Variants in FSCN1 observed in about 807,000 individuals in gnomAD.
The protein encoded by FSCN1 is fascin.
Under a neutral mutation model 39.7 loss-of-function variants are expected in FSCN1, and 10 were observed. The observed-to-expected ratio is 0.25, with a 90% CI of 0.16 to 0.43. The LOEUF (loss-of-function observed/expected upper bound fraction) is 0.43. Ranked by LOEUF, FSCN1 falls within the 20% of genes least tolerant of loss-of-function variation. The probability of loss-of-function intolerance (pLI) is 1.00; values close to 1 mark genes in which losing one functional copy is unlikely to be tolerated. For missense variants in FSCN1, 525 were observed against 723.8 expected (o/e 0.73, Z 3.15); for synonymous variants, 322 against 320.0 (o/e 1.01, Z -0.07).
At chr7:5,595,007 C>T (rs1292998179) in intron 1 of FSCN1, 3 of 152,364 alleles carry the variant, frequency 2.0e-5, no homozygotes. Flanking sequence ...GGCGGAGAAG[C>T]TGTTCCTTGC....
chr7:5,598,379 C>T (rs1421926718), intron 1 of FSCN1, among the ~76,000 whole-genome samples: 2 of 152,206 alleles, frequency 1.3e-5, no homozygotes, highest in Non-Finnish European at 2.9e-5. Flanking sequence ...AGCTCCCTTT[C>T]TTCTCTGGCT....
Position 5,605,506 on chromosome 7 carries a change from A to ATG in FSCN1, c.*33_*34dup. 3.4e-6 allele frequency: 5 copies of ATG among 1,466,412 alleles called. No individual in the cohort carries two copies. The highest frequency in any genetic ancestry group is 4.6e-6 in the Non-Finnish European group (5 of 1,082,790). 90.8% of individuals were successfully genotyped at this position (1,466,412 alleles called of 1,614,324 possible). ...CCCGTCCTTCCCCGCCCCTGCCCAC[A>ATG]TGGCGGCTCCTGCCAACCCTCCCTG... On this transcript the variant is annotated 3_prime_UTR_variant, in exon 5 of 5. Transcript: ENST00000382361. The surrounding 1 kb of genome is among the most constrained non-coding windows in gnomAD (Gnocchi z 6.9).
In FSCN1 at chr7:5,603,221, G is replaced by C. The variant is rs374393905; in HGVS notation, c.833-36G>C. ...TGGTCTGCCAGAACTAGGGGGCGTGGGGCCCCAGTACCAGCCCAAGGCCTC... is the reference window on the plus strand; with the variant it reads ...TGGTCTGCCAGAACTAGGGGGCGTGCGGCCCCAGTACCAGCCCAAGGCCTC... On this transcript the variant is annotated intron_variant, in intron 1 of 4. Transcript: ENST00000382361. The surrounding 1 kb of genome is among the most constrained non-coding windows in gnomAD (Gnocchi z 8.5). 3.7e-6 allele frequency: 6 copies of C among 1,608,998 alleles called. No individual in the cohort carries two copies. Among genetic ancestry groups the C allele is most frequent in the Admixed American group, 1.7e-5 (1 of 59,912 alleles).
intron 4 of FSCN1, among the ~76,000 whole-genome samples, chr7:5,604,873 G>A (rs1785904427): frequency 6.6e-6 from 1 of 152,126 alleles, no homozygotes; most frequent in Non-Finnish European, 1.5e-5. Context: ...GTGGCCTCAA[G>A]TGATCCGCCC....
intron 1 of FSCN1, chr7:5,594,047 C>CA (rs1554336290): frequency 1.9e-4 from 63 of 329,368 alleles, no homozygotes; most frequent in Non-Finnish European, 2.8e-4. Context: ...CCCTCCTAAC[C>CA]CCCCCCCCCG....
At chr7:5,601,967 TTTTTG>T (rs1785839371) in intron 1 of FSCN1, among the ~76,000 whole-genome samples, 1 of 152,038 alleles carries the variant, frequency 6.6e-6, no homozygotes, top group South Asian at 2.1e-4. Context: ...TTTTTTTTTT[TTTTTG>T]AGGCGGAATT....
intron 1 of FSCN1, among the ~76,000 whole-genome samples, chr7:5,601,729 A>G (rs4724710): frequency 1.3e-5 from 2 of 151,960 alleles, no homozygotes; most frequent in Admixed American, 6.6e-5. Flanking sequence ...AGTCTCAGCT[A>G]TTTGGGAGGC....
chr7:5,598,842 T>C (rs1468290698), intron 1 of FSCN1, among the ~76,000 whole-genome samples: 2 of 152,194 alleles, frequency 1.3e-5, no homozygotes, highest in Non-Finnish European at 2.9e-5. Flanking sequence ...CCCCAGCGCA[T>C]TGGACAGGTG....
chr7:5,603,797 T>A lies in FSCN1; in HGVS notation c.1112-66T>A. On this transcript the variant is annotated intron_variant, in intron 3 of 4. Coordinates refer to ENST00000382361, the MANE Select transcript of FSCN1 (RefSeq NM_003088.4). The surrounding 1 kb of genome is among the most constrained non-coding windows in gnomAD (Gnocchi z 8.5). ...ACCCCAGCTCCTGGCCCTCCCTCTC[T>A]GGTCACCCCAGCCTCCACCCCACTC... 6.5e-7 allele frequency: 1 copy of A among 1,546,048 alleles called. No individual in the cohort carries two copies. The highest frequency in any genetic ancestry group is 8.9e-7 in the Non-Finnish European group (1 of 1,129,810).
rs1489064852 is a variant in FSCN1, at chr7:5,592,888, C to T, written c.-49C>T. 2 of 1,227,964 alleles carry T rather than the reference C, an allele frequency of 1.6e-6. No individual in the cohort carries two copies. Among genetic ancestry groups the T allele is most frequent in the African/African-American group, 3.1e-5 (2 of 64,604 alleles). The allele number at this position is 1,227,964 out of a possible 1,614,324, so 76.1% of individuals were successfully genotyped here. On this transcript the variant is annotated 5_prime_UTR_variant, in exon 1 of 5. Coordinates refer to ENST00000382361, the MANE Select transcript of FSCN1 (RefSeq NM_003088.4). The surrounding 1 kb of genome is among the most constrained non-coding windows in gnomAD (Gnocchi z 5.3). Reference sequence around the variant, plus strand: ...GAGCAGGGGCGCCGCCGCAGGGACCCGCCACCCACCTCCCGGGGCCGCGCA... The same window carrying T: ...GAGCAGGGGCGCCGCCGCAGGGACCTGCCACCCACCTCCCGGGGCCGCGCA...
At chr7:5,598,489 C>T (rs1159254814) in intron 1 of FSCN1, among the ~76,000 whole-genome samples, 1 of 152,238 alleles carries the variant, frequency 6.6e-6, no homozygotes, top group Non-Finnish European at 1.5e-5. Flanking sequence ...TTAAGCCCTG[C>T]GCAGCCATTG....
In FSCN1 at chr7:5,605,522, A is replaced by C. The variant is rs1429799366; in HGVS notation, c.*48A>C. ...CCTGCCCACATGGCGGCTCCTGCCAACCCTCCCTGCTAACCCCTTCTCCGC... is the reference window on the plus strand; with the variant it reads ...CCTGCCCACATGGCGGCTCCTGCCACCCCTCCCTGCTAACCCCTTCTCCGC... On this transcript the variant is annotated 3_prime_UTR_variant, in exon 5 of 5. Coordinates refer to ENST00000382361, the MANE Select transcript of FSCN1 (RefSeq NM_003088.4). This position sits in a 1 kb window ranked among gnomAD's most constrained non-coding sequence, Gnocchi z 6.9. 5.8e-6 allele frequency: 8 copies of C among 1,369,138 alleles called. No homozygotes were observed. The highest frequency in any genetic ancestry group is 7.0e-6 in the Non-Finnish European group (7 of 999,994). 84.8% of individuals were successfully genotyped at this position (1,369,138 alleles called of 1,614,324 possible). A position where few individuals can be genotyped will look rare whatever the true frequency, so the allele number is the denominator to read the frequency against.
chr7:5,597,607 C>T (rs893946088), intron 1 of FSCN1, among the ~76,000 whole-genome samples: 1 of 151,870 alleles, frequency 6.6e-6, no homozygotes, highest in African/African-American at 2.4e-5. Context: ...GCGGAAGTTG[C>T]AGTGAGCCGA....
rs551699480 is a variant in FSCN1 at position 5,603,193 on chromosome 7, C to G, written c.833-64C>G. The G allele has an allele frequency of 1.3e-4, 201 of 1,578,642 alleles. No homozygotes were observed. The highest frequency in any genetic ancestry group is 9.2e-4 in the Middle Eastern group (4 of 4,358). ...CGTGTGTAGTTCTGTGAGCTCAGGGCTATGGTCTGCCAGAACTAGGGGGCG... is the reference window on the plus strand; with the variant it reads ...CGTGTGTAGTTCTGTGAGCTCAGGGGTATGGTCTGCCAGAACTAGGGGGCG... On this transcript the variant is annotated intron_variant, in intron 1 of 4. Coordinates refer to ENST00000382361, the MANE Select transcript of FSCN1 (RefSeq NM_003088.4). The surrounding 1 kb of genome is among the most constrained non-coding windows in gnomAD (Gnocchi z 8.5).
Position 5,603,790 on chromosome 7 carries a change from C to T in FSCN1, c.1112-73C>T. The T allele has an allele frequency of 3.9e-6, 6 of 1,529,302 alleles. No homozygotes were observed. The highest frequency in any genetic ancestry group is 5.4e-6 in the Non-Finnish European group (6 of 1,116,316). 94.7% of individuals were successfully genotyped at this position (1,529,302 alleles called of 1,614,324 possible). On this transcript the variant is annotated intron_variant, in intron 3 of 4. Coordinates refer to ENST00000382361, the MANE Select transcript of FSCN1 (RefSeq NM_003088.4). The surrounding 1 kb of genome is among the most constrained non-coding windows in gnomAD (Gnocchi z 8.5). ...CTGTGTGACCCCAGCTCCTGGCCCT[C>T]CCTCTCTGGTCACCCCAGCCTCCAC...
In FSCN1 at chr7:5,605,507, T is replaced by G; in HGVS notation, c.*33T>G. ...CCGTCCTTCCCCGCCCCTGCCCACA[T>G]GGCGGCTCCTGCCAACCCTCCCTGC... On this transcript the variant is annotated 3_prime_UTR_variant, in exon 5 of 5. Transcript: ENST00000382361. This position sits in a 1 kb window ranked among gnomAD's most constrained non-coding sequence, Gnocchi z 6.9. 1 of 1,454,476 alleles carries G rather than the reference T, an allele frequency of 6.9e-7. No individual in the cohort carries two copies. The highest frequency in any genetic ancestry group is 9.3e-7 in the Non-Finnish European group (1 of 1,072,812). The allele number at this position is 1,454,476 out of a possible 1,614,324, so 90.1% of individuals were successfully genotyped here.
chr7:5,603,521 G>A lies in FSCN1; in HGVS notation c.1015G>A (p.Glu339Lys), dbSNP rs764227580. ...SKNASCYFDIEWRDRRITLRA... is the reference protein window; with the variant it reads ...SKNASCYFDIKWRDRRITLRA... ...GAATGCCAGCTGCTACTTTGACATC[G>A]AGTGGCGTGACCGGCGCATCACACT... The change falls in exon 3 of 5, where the codon GAG becomes AAG. Residue 339 changes from glutamate to lysine, a missense_variant. By Grantham distance (56) the Glu-to-Lys change is moderately conservative. Transcript: ENST00000382361. This position sits in a 1 kb window ranked among gnomAD's most constrained non-coding sequence, Gnocchi z 8.5. 50 of 1,614,000 alleles carry A rather than the reference G, an allele frequency of 3.1e-5. No individual in the cohort carries two copies. The highest frequency in any genetic ancestry group is 1.6e-4 in the Middle Eastern group (1 of 6,084).
chr7:5,603,537 G>T lies in FSCN1; in HGVS notation c.1031G>T (p.Arg344Leu), dbSNP rs756533788. The T allele has an allele frequency of 1.2e-6, 2 of 1,614,122 alleles. No homozygotes were observed. Among genetic ancestry groups the T allele is most frequent in the Non-Finnish European group, 1.7e-6 (2 of 1,180,012 alleles). The change falls in exon 3 of 5, where the codon CGC becomes CTC. Residue 344 changes from arginine to leucine, a missense_variant. Arg to Leu is a moderately radical substitution (Grantham distance 102). This residue lies in a region of FSCN1 where 275 missense variants were observed against 351.9 expected (regional missense o/e 0.78). Transcript: ENST00000382361. The surrounding 1 kb of genome is among the most constrained non-coding windows in gnomAD (Gnocchi z 8.5). ...TTTGACATCGAGTGGCGTGACCGGC[G>T]CATCACACTGAGGGCGTCCAATGGC... ...CYFDIEWRDR[R>L]ITLRASNGKF...
Position 5,603,828 on chromosome 7 carries a change from C to A in FSCN1, c.1112-35C>A. ...CCCCAGCCTCCACCCCACTCCCTGC[C>A]AGGAGGCTCACTGACTCCCCTCTTT... On this transcript the variant is annotated intron_variant, in intron 3 of 4. Transcript: ENST00000382361. The surrounding 1 kb of genome is among the most constrained non-coding windows in gnomAD (Gnocchi z 8.5). 6.3e-7 allele frequency: 1 copy of A among 1,599,972 alleles called. No homozygotes were observed. The highest frequency in any genetic ancestry group is 8.5e-7 in the Non-Finnish European group (1 of 1,170,352).
Sources: allele counts gnomAD v4.1 joint callset (sites outside exome capture counted in the v4.1 genomes callset), GRCh38; gene constraint gnomAD v4.1.1; regional missense constraint gnomAD v4.1.1; non-coding constraint Gnocchi (gnomAD v3.1); transcripts MANE v1.5; gene names NCBI Gene and HGNC (gene_info 2026-07-23, HGNC 2026-07-21).